TACR3: variants seen among roughly 807,000 people sequenced by gnomAD.
TACR3 encodes the protein neuromedin-K receptor.
TACR3 carries 34 observed loss-of-function variants against 35.0 expected under a neutral mutation model. That is an observed-to-expected ratio of 0.97 (90% CI 0.74 to 1.30). TACR3 has a LOEUF of 1.30. Among genes scored for constraint, TACR3 ranks in the 50% most tolerant of loss-of-function variants. TACR3 has a pLI of 0.00. For missense variants in TACR3, 558 were observed against 591.7 expected, an observed-to-expected ratio of 0.94 and a Z score of 0.59; for synonymous variants, 233 against 221.1, an observed-to-expected ratio of 1.05 and a Z score of -0.48.
At chr4:103,641,362 A>T (rs1725352554) in intron 3 of TACR3, among the ~76,000 whole-genome samples, 1 of 151,926 alleles carries the variant, frequency 6.6e-6, no homozygotes, top group South Asian at 2.1e-4. Context: ...TGTTCTTTTG[A>T]TATATGAAAA....
chr4:103,639,454 G>T (rs971491030), intron 3 of TACR3, among the ~76,000 whole-genome samples: 10 of 152,114 alleles, frequency 6.6e-5, no homozygotes, highest in Non-Finnish European at 1.3e-4. Context: ...GGTGGGGAGA[G>T]GGGGGAGGGA....
At chr4:103,603,722 G>T (rs560807758) in intron 3 of TACR3, among the ~76,000 whole-genome samples, 1 of 152,080 alleles carries the variant, frequency 6.6e-6, no homozygotes, top group Non-Finnish European at 1.5e-5. Context: ...GGAATTTCTG[G>T]TTCTAGATCT....
chr4:103,687,497 C>T (rs535594220), intron 1 of TACR3, among the ~76,000 whole-genome samples: 265 of 152,102 alleles, frequency 1.7e-3, no homozygotes, highest in South Asian at 8.5e-3. Flanking sequence ...TCTAGAAAAC[C>T]CCATTGTCTC....
chr4:103,687,992 A>G (rs1475327608), intron 1 of TACR3, among the ~76,000 whole-genome samples: 6 of 152,230 alleles, frequency 3.9e-5, no homozygotes, highest in African/African-American at 9.6e-5. Context: ...ACCTGACTTC[A>G]AACTATACTA....
intron 1 of TACR3, among the ~76,000 whole-genome samples, chr4:103,677,900 G>T (rs546379928): frequency 6.6e-6 from 1 of 151,568 alleles, no homozygotes; most frequent in East Asian, 2.0e-4. Flanking sequence ...GAAAAAAGGT[G>T]GTTCTTAGGT....
chr4:103,707,201 C>A (rs1254533005), intron 1 of TACR3, among the ~76,000 whole-genome samples: 2 of 152,178 alleles, frequency 1.3e-5, no homozygotes, highest in African/African-American at 4.8e-5. Flanking sequence ...ATCAGAAATT[C>A]TTTAGCACTT....
chr4:103,637,744 A>G lies in TACR3; in HGVS notation c.888+18450T>C, dbSNP rs536117204. Among the ~76,000 whole-genome samples the G allele has an allele frequency of 5.5e-3, 840 of 152,284 alleles. 6 individuals carry two copies. The highest frequency in any genetic ancestry group is 0.019 in the African/African-American group (784 of 41,560). On this transcript the variant is annotated intron_variant, in intron 3 of 4. Coordinates refer to ENST00000304883, the MANE Select transcript of TACR3 (RefSeq NM_001059.3). ...GCTGATAAGCAACTTCAGCAGTCTCAGGATACAAAATCAATGTGCAAAAAT... is the reference window on the plus strand; with the variant it reads ...GCTGATAAGCAACTTCAGCAGTCTCGGGATACAAAATCAATGTGCAAAAAT...
intron 1 of TACR3, among the ~76,000 whole-genome samples, chr4:103,659,559 A>G (rs1560825500): frequency 6.6e-6 from 1 of 152,182 alleles, no homozygotes. Context: ...GATTGAGGCT[A>G]TGCCTTCCTG....
intron 1 of TACR3, among the ~76,000 whole-genome samples, chr4:103,710,530 G>A (rs571911823): frequency 1.3e-5 from 2 of 152,206 alleles, no homozygotes; most frequent in East Asian, 3.9e-4. Context: ...ATGCCCACAA[G>A]AGAAAGCAGG....
chr4:103,672,932 G>C (rs1028669923), intron 1 of TACR3, among the ~76,000 whole-genome samples: 2 of 152,170 alleles, frequency 1.3e-5, no homozygotes, highest in Non-Finnish European at 1.5e-5. Flanking sequence ...AACACTTGCT[G>C]CTTTGCCTTG....
At chr4:103,678,798 T>A (rs1448799319) in intron 1 of TACR3, among the ~76,000 whole-genome samples, 1 of 151,810 alleles carries the variant, frequency 6.6e-6, no homozygotes, top group Non-Finnish European at 1.5e-5. Context: ...AGTTGCTTTT[T>A]TTTTTTTTAA....
At chr4:103,613,581 C>G (rs1185481291) in intron 3 of TACR3, among the ~76,000 whole-genome samples, 1 of 151,954 alleles carries the variant, frequency 6.6e-6, no homozygotes, top group Admixed American at 6.6e-5. Context: ...CCCACCTTGG[C>G]CTCCCCAAGT....
chr4:103,601,750 G>T (rs1313651126), intron 3 of TACR3, among the ~76,000 whole-genome samples: 1 of 152,218 alleles, frequency 6.6e-6, no homozygotes, highest in Non-Finnish European at 1.5e-5. Flanking sequence ...TCTGCTGAGA[G>T]ATCAGGTGTT....
rs752445937 is a variant in TACR3 at position 103,699,880 on chromosome 4, G to A, written c.548+19248C>T. On this transcript the variant is annotated intron_variant, in intron 1 of 4. Transcript: ENST00000304883. ...GATGACCCTCAGACACTCAGATGGC[G>A]ATGTTGAGGAGGCTGTCGTATTTAA... 4.6e-5 allele frequency among the ~76,000 whole-genome samples: 7 copies of A among 150,638 alleles called. No homozygotes were observed. In the East Asian group the frequency reaches 6.0e-4, roughly 13 times the overall value.
At chr4:103,654,102 C>G (rs1331997497) in intron 3 of TACR3, among the ~76,000 whole-genome samples, 2 of 149,508 alleles carry the variant, frequency 1.3e-5, no homozygotes. Context: ...GTTGGTGGGA[C>G]TGTAAACTAG....
At chr4:103,599,732 G>A (rs1332221297) in intron 3 of TACR3, among the ~76,000 whole-genome samples, 1 of 152,118 alleles carries the variant, frequency 6.6e-6, no homozygotes, top group African/African-American at 2.4e-5. Flanking sequence ...TTTGTCATTG[G>A]TTCTGTTTAT....
intron 2 of TACR3, among the ~76,000 whole-genome samples, chr4:103,657,432 A>G (rs1233791997): frequency 6.6e-6 from 1 of 152,070 alleles, no homozygotes; most frequent in Admixed American, 6.6e-5. Flanking sequence ...TTTTCCTTAA[A>G]TAAGTGCCTC....
intron 1 of TACR3, among the ~76,000 whole-genome samples, chr4:103,672,076 C>A (rs1372348266): frequency 1.3e-5 from 2 of 152,134 alleles, no homozygotes; most frequent in Non-Finnish European, 2.9e-5. Context: ...AAACCACTTT[C>A]TTTGTTCATG....
chr4:103,677,262 G>A (rs1288736499), intron 1 of TACR3, among the ~76,000 whole-genome samples: 1 of 152,142 alleles, frequency 6.6e-6, no homozygotes, highest in Non-Finnish European at 1.5e-5. Flanking sequence ...CTGTTGGTAG[G>A]AGTATAAATT....
Sources: allele counts gnomAD v4.1 joint callset (sites outside exome capture counted in the v4.1 genomes callset), GRCh38; gene constraint gnomAD v4.1.1; transcripts MANE v1.5; gene names NCBI Gene and HGNC (gene_info 2026-07-23, HGNC 2026-07-21).